CCDC169: variants seen among roughly 807,000 people sequenced by gnomAD.
CCDC169 encodes the protein coiled-coil domain-containing protein 169.
CCDC169 carries 30 observed loss-of-function variants against 36.0 expected under a neutral mutation model. That is an observed-to-expected ratio of 0.83 (90% CI 0.62 to 1.13). The LOEUF (loss-of-function observed/expected upper bound fraction) is 1.13. Ranked by LOEUF, CCDC169 falls within the 50% of genes most tolerant of loss-of-function variation. CCDC169 has a pLI of 0.00. For synonymous variants in CCDC169, 85 were observed against 81.5 expected, an observed-to-expected ratio of 1.04 and a Z score of -0.23; for missense variants, 245 against 245.9, an observed-to-expected ratio of 1.00 and a Z score of 0.03.
At chr13:36,235,511 A>G (rs1324635113) in intron 7 of CCDC169, among the ~76,000 whole-genome samples, 1 of 151,984 alleles carries the variant, frequency 6.6e-6, no homozygotes, top group African/African-American at 2.4e-5. Context: ...AACAAAATTT[A>G]CAGCTAACAT....
chr13:36,230,212 G>A (rs1717061202), downstream of CCDC169, among the ~76,000 whole-genome samples: 1 of 152,168 alleles, frequency 6.6e-6, no homozygotes, highest in African/African-American at 2.4e-5. Flanking sequence ...AACACCATTA[G>A]CTGGAAACTA....
intron 4 of CCDC169, chr13:36,281,345 C>T: frequency 4.8e-6 from 2 of 419,234 alleles, no homozygotes; most frequent in Non-Finnish European, 9.3e-6. Flanking sequence ...AAATGCAACC[C>T]TTGATACATC....
intron 2 of CCDC169, among the ~76,000 whole-genome samples, chr13:36,287,798 TA>T (rs1275080120): frequency 2.0e-5 from 3 of 152,220 alleles, no homozygotes; most frequent in African/African-American, 7.2e-5. Flanking sequence ...AGGGTTGACA[TA>T]AAGGTTCTAA....
chr13:36,231,257 C>G lies in CCDC169; in HGVS notation c.581G>C (p.Ser194Thr), dbSNP rs574322268. 7.7e-6 allele frequency: 12 copies of G among 1,551,378 alleles called. No homozygotes were observed. The highest frequency in any genetic ancestry group is 1.0e-5 in the Non-Finnish European group (12 of 1,146,822). ...RYNPAKQKTV[S>T]AKRGPVKKIT... ...CTTTTTTACTGGTCCTCTCTTGGCA[C>G]TCACTGTCTTCTGCTTAGCTGGATT... is the stretch of plus-strand genomic sequence containing the variant. Residue 194 changes from serine (S) to threonine (T), a missense_variant, in exon 8 of 8, where the codon AGT becomes ACT. Ser to Thr is a moderately conservative substitution (Grantham distance 58, BLOSUM62 1). Coordinates refer to ENST00000239859, the MANE Select transcript of CCDC169 (RefSeq NM_001144981.3).
In CCDC169 at chr13:36,289,738, T is replaced by C. The variant is rs78633949; in HGVS notation, c.164-6036A>G. Among the ~76,000 whole-genome samples, 136 of 152,352 alleles carry C rather than the reference T, an allele frequency of 8.9e-4. 1 individual carries two copies. The East Asian group carries it at 0.026, about 29-fold the overall frequency. On this transcript the variant is annotated intron_variant, in intron 2 of 7. Transcript: ENST00000239859. ...AAACTGAGACCTAAAAGGCTGAAAG[T>C]TGTTATATGCATGTAACCTTCTGTA... is the stretch of plus-strand genomic sequence containing the variant.
chr13:36,250,107 C>T (rs959268571), intron 6 of CCDC169, among the ~76,000 whole-genome samples: 3 of 152,126 alleles, frequency 2.0e-5, no homozygotes, highest in African/African-American at 7.2e-5. Context: ...GAGATGTGCA[C>T]AGGTGCTTTG....
intron 7 of CCDC169, among the ~76,000 whole-genome samples, chr13:36,233,235 GTC>G (rs1870656933): frequency 1.8e-5 from 1 of 55,240 alleles, no homozygotes; most frequent in Admixed American, 2.0e-4. Flanking sequence ...AGACTTCAGT[GTC>G]CACCCCAACA....
downstream of CCDC169, chr13:36,223,766 C>A (rs1869729498): frequency 6.6e-6 from 1 of 151,988 alleles, no homozygotes; most frequent in Admixed American, 6.6e-5. Context: ...ACTCAATTAC[C>A]TAATTTATGA....
chr13:36,260,311 A>G (rs1468406520), intron 4 of CCDC169, among the ~76,000 whole-genome samples: 1 of 152,182 alleles, frequency 6.6e-6, no homozygotes. Context: ...TTTAAAGAGG[A>G]TGTCCTACTG....
intron 2 of CCDC169, among the ~76,000 whole-genome samples, chr13:36,287,049 A>C (rs1481810671): frequency 6.6e-6 from 1 of 152,166 alleles, no homozygotes; most frequent in African/African-American, 2.4e-5. Flanking sequence ...AGCTGATTAC[A>C]TATGGTGCAT....
At chr13:36,243,532 C>A (rs994518066) in intron 7 of CCDC169, among the ~76,000 whole-genome samples, 1 of 148,214 alleles carries the variant, frequency 6.7e-6, no homozygotes, top group East Asian at 2.0e-4. Context: ...TAAGGCCAGG[C>A]ACGGTGGCTC....
At chr13:36,254,639 T>C (rs918671621) in intron 4 of CCDC169, among the ~76,000 whole-genome samples, 2 of 152,246 alleles carry the variant, frequency 1.3e-5, no homozygotes, top group African/African-American at 2.4e-5. Context: ...CAATATGTCA[T>C]GTATTGTACT....
intron 1 of CCDC169, among the ~76,000 whole-genome samples, chr13:36,296,072 C>A (rs1879444280): frequency 6.6e-6 from 1 of 152,048 alleles, no homozygotes; most frequent in African/African-American, 2.4e-5. Flanking sequence ...CCCCAGGCAA[C>A]CATTAGAAAT....
chr13:36,262,337 C>T (rs1017247493), intron 4 of CCDC169, among the ~76,000 whole-genome samples: 2 of 152,142 alleles, frequency 1.3e-5, no homozygotes, highest in African/African-American at 2.4e-5. Context: ...CATGACTGTG[C>T]CAGTACCTGA....
rs941727714 is a variant in CCDC169, at chr13:36,245,038, C to T, written c.545+3568G>A. Reference sequence around the variant, plus strand: ...CAAATATTGGACAAAATGTTGCTACCTCATTAATCTCCACCAAGGAAATTT... The same window carrying T: ...CAAATATTGGACAAAATGTTGCTACTTCATTAATCTCCACCAAGGAAATTT... On this transcript the variant is annotated intron_variant, in intron 7 of 7. Coordinates refer to ENST00000239859, the MANE Select transcript of CCDC169 (RefSeq NM_001144981.3). Among the ~76,000 whole-genome samples, 6 of 152,108 alleles carry T rather than the reference C, an allele frequency of 3.9e-5. No individual in the cohort carries two copies. In the East Asian group the frequency reaches 1.2e-3, roughly 29 times the overall value.
At chr13:36,230,569 T>A (rs536444100), downstream of CCDC169, among the ~76,000 whole-genome samples, 4 of 152,292 alleles carry the variant, frequency 2.6e-5, no homozygotes, top group East Asian at 7.7e-4. Flanking sequence ...AATATTGGTT[T>A]TCTAGAATTG....
At chr13:36,252,765 G>A (rs1005058503) in intron 6 of CCDC169, among the ~76,000 whole-genome samples, 1 of 151,642 alleles carries the variant, frequency 6.6e-6, no homozygotes, top group East Asian at 1.9e-4. Flanking sequence ...ATCTTTATTT[G>A]TTTCCTGAGA....
chr13:36,236,677 C>A (rs1227800469), intron 7 of CCDC169, among the ~76,000 whole-genome samples: 1 of 151,890 alleles, frequency 6.6e-6, no homozygotes, highest in Non-Finnish European at 1.5e-5. Context: ...ATAAAAATAC[C>A]ATCCATAGAA....
intron 4 of CCDC169, among the ~76,000 whole-genome samples, chr13:36,255,530 C>T (rs1368175188): frequency 6.6e-6 from 1 of 151,988 alleles, no homozygotes; most frequent in African/African-American, 2.4e-5. Context: ...GGCATGGTGG[C>T]GCATGCCTGT....
Sources: allele counts gnomAD v4.1 joint callset (sites outside exome capture counted in the v4.1 genomes callset), GRCh38; gene constraint gnomAD v4.1.1; transcripts MANE v1.5; gene names NCBI Gene and HGNC (gene_info 2026-07-23, HGNC 2026-07-21).